SRGAP2B: variants seen among roughly 807,000 people sequenced by gnomAD.
SRGAP2B encodes the protein SLIT-ROBO Rho GTPase activating protein 2B.
SRGAP2B carries 9 observed loss-of-function variants against 22.2 expected under a neutral mutation model. The ratio of observed to expected loss-of-function variants is 0.41; its 90% CI spans 0.24 to 0.71. The LOEUF (loss-of-function observed/expected upper bound fraction) is 0.71, where lower values mean the gene tolerates loss of function less well. SRGAP2B is among the 30% of genes least tolerant of loss of function. The pLI is 0.35. For missense variants in SRGAP2B, 114 were observed against 235.8 expected (o/e 0.48, Z 3.38); for synonymous variants, 36 against 87.4 (o/e 0.41, Z 3.28).
In SRGAP2B at chr1:145,000,589, C is replaced by A. The variant is rs7547106; in HGVS notation, c.68-5389G>T. 6.6e-5 allele frequency among the ~76,000 whole-genome samples: 10 copies of A among 150,826 alleles called. No homozygotes were observed. In the South Asian group the frequency reaches 2.1e-3, roughly 32 times the overall value. On this transcript the variant is annotated intron_variant, in intron 2 of 9. Transcript: ENST00000612199. ...CTTCAGAGAACATCCAGGGAATTCA[C>A]CAGTCAGCAGAGTACAGGGGGTGAG...
chr1:144,940,958 G>T (rs1350752865), intron 4 of SRGAP2B, among the ~76,000 whole-genome samples: 1 of 149,214 alleles, frequency 6.7e-6, no homozygotes, highest in Non-Finnish European at 1.5e-5. Context: ...AATGTTAAAT[G>T]AAAAAAATTA....
At chr1:144,904,279 ATGAGTTAAC>A (rs1662825730) in intron 7 of SRGAP2B, among the ~76,000 whole-genome samples, 1 of 143,646 alleles carries the variant, frequency 7.0e-6, no homozygotes, top group African/African-American at 2.6e-5. Context: ...TGAGAGTCAA[ATGAGTTAAC>A]ACCGAGAAAC....
At chr1:144,970,340 C>CT (rs1198114175) in intron 3 of SRGAP2B, among the ~76,000 whole-genome samples, 3 of 98,036 alleles carry the variant, frequency 3.1e-5, no homozygotes, top group African/African-American at 1.3e-4. Context: ...AGTTCATGTC[C>CT]TTTGTAGGGA....
intron 3 of SRGAP2B, among the ~76,000 whole-genome samples, chr1:144,988,805 C>T (rs1669945674): frequency 6.8e-6 from 1 of 147,996 alleles, no homozygotes; most frequent in Admixed American, 6.7e-5. Context: ...AGTAGGATCA[C>T]CATTCAAAAC....
At chr1:145,062,381 AT>A (rs1286415183) in intron 2 of SRGAP2B, among the ~76,000 whole-genome samples, 1 of 144,804 alleles carries the variant, frequency 6.9e-6, no homozygotes, top group Non-Finnish European at 1.5e-5. Flanking sequence ...ACAGGTCTGG[AT>A]ACAACTCATT....
rs1274724017 is a variant in SRGAP2B at position 145,000,069 on chromosome 1, C to T, written c.68-4869G>A. Among the ~76,000 whole-genome samples the T allele has an allele frequency of 7.7e-3, 1,109 of 144,150 alleles. 17 individuals are homozygous for T. The highest frequency in any genetic ancestry group is 0.018 in the Middle Eastern group (5 of 276). 94.6% of individuals were successfully genotyped at this position (144,150 alleles called of 152,430 possible). A position where few individuals can be genotyped will look rare whatever the true frequency, so the allele number is the denominator to read the frequency against. On this transcript the variant is annotated intron_variant, in intron 2 of 9. Coordinates refer to ENST00000612199, the Ensembl canonical transcript of SRGAP2B. ...AACAAACAGGAGCCAAAAGGAGGAA[C>T]GGATTCTTGGTTTCCATTTCCCCGT...
At chr1:144,995,015 G>C in exon 3 of SRGAP2B, 1 of 1,530,510 alleles carries the variant, frequency 6.5e-7, no homozygotes, top group Non-Finnish European at 8.8e-7. Flanking sequence ...TACTTGAATT[G>C]CTGGTCCTTG....
At chr1:144,982,226 GC>G (rs1376139523) in intron 3 of SRGAP2B, among the ~76,000 whole-genome samples, 34 of 132,420 alleles carry the variant, frequency 2.6e-4, no homozygotes, top group Admixed American at 6.5e-4. Flanking sequence ...TTTACTATGT[GC>G]CAAGCTGTCC....
At chr1:144,975,312 G>A (rs1267757492) in intron 3 of SRGAP2B, among the ~76,000 whole-genome samples, 4 of 148,024 alleles carry the variant, frequency 2.7e-5, no homozygotes, top group African/African-American at 1.1e-4. Context: ...GGATGCTATG[G>A]TTTGAATCTG....
intron 2 of SRGAP2B, among the ~76,000 whole-genome samples, chr1:145,088,517 C>T (rs9803057): frequency 2.2e-5 from 3 of 138,892 alleles, no homozygotes; most frequent in Non-Finnish European, 3.1e-5. Flanking sequence ...GCTCAGCATA[C>T]AGTGCCACCC....
intron 2 of SRGAP2B, among the ~76,000 whole-genome samples, chr1:145,041,572 T>A (rs1649261764): frequency 8.2e-6 from 1 of 122,622 alleles, no homozygotes; most frequent in African/African-American, 3.6e-5. Context: ...GGCAAGAGGA[T>A]CACTTCAGCC....
At chr1:145,017,848 C>T (rs1672539120) in intron 2 of SRGAP2B, among the ~76,000 whole-genome samples, 2 of 150,716 alleles carry the variant, frequency 1.3e-5, no homozygotes, top group Non-Finnish European at 2.9e-5. Context: ...CTAAGGCTCA[C>T]AGTAAAGATT....
Position 144,971,291 on chromosome 1 carries a change from C to T in SRGAP2B, c.261-15690G>A, listed in dbSNP as rs587651839. Among the ~76,000 whole-genome samples, 186 of 148,952 alleles carry T rather than the reference C, an allele frequency of 1.2e-3. 7 individuals are homozygous for T. Among genetic ancestry groups the T allele is most frequent in the African/African-American group, 4.3e-3 (169 of 39,224 alleles). ...GATTACAGGCATGTGCCACCACGCT[C>T]GGCTAATTTTGTGTTTTTTAGTAGA... On this transcript the variant is annotated intron_variant, in intron 3 of 9. Coordinates refer to ENST00000612199, the Ensembl canonical transcript of SRGAP2B.
chr1:144,934,123 G>A (rs1189007353), intron 4 of SRGAP2B, among the ~76,000 whole-genome samples: 3 of 148,854 alleles, frequency 2.0e-5, no homozygotes, highest in Non-Finnish European at 4.5e-5. Flanking sequence ...AGCAACCCAG[G>A]GCCGGGTGCA....
intron 2 of SRGAP2B, among the ~76,000 whole-genome samples, chr1:145,021,111 A>G (rs1439463117): frequency 6.7e-6 from 1 of 149,564 alleles, no homozygotes; most frequent in African/African-American, 2.5e-5. Context: ...TCCCAGCCAG[A>G]GGGCCTTCTA....
intron 2 of SRGAP2B, among the ~76,000 whole-genome samples, chr1:145,020,787 C>G (rs1553623923): frequency 6.6e-6 from 1 of 150,464 alleles, no homozygotes; most frequent in East Asian, 1.9e-4. Flanking sequence ...AAAAAAGGGT[C>G]TTCTACTCTA....
intron 4 of SRGAP2B, among the ~76,000 whole-genome samples, chr1:144,925,789 A>AAGAAAGAG (rs1664687236): frequency 3.8e-5 from 4 of 104,208 alleles, no homozygotes; most frequent in Admixed American, 1.9e-4. Context: ...GAAAGAAAGA[A>AAGAAAGAG]AGAAAGGAGA....
intron 4 of SRGAP2B, among the ~76,000 whole-genome samples, chr1:144,932,492 A>G (rs1665273016): frequency 6.6e-6 from 1 of 150,670 alleles, no homozygotes; most frequent in Non-Finnish European, 1.5e-5. Context: ...GCAAGTTGAG[A>G]TGGGGTCAGG....
At chr1:144,972,610 G>A (rs1668607257) in intron 3 of SRGAP2B, among the ~76,000 whole-genome samples, 1 of 127,220 alleles carries the variant, frequency 7.9e-6, no homozygotes, top group Non-Finnish European at 1.6e-5. Context: ...ACAACTCGTG[G>A]ACTGATGCCC....
Sources: allele counts gnomAD v4.1 joint callset (sites outside exome capture counted in the v4.1 genomes callset), GRCh38; gene constraint gnomAD v4.1.1; transcripts MANE v1.5; gene names NCBI Gene and HGNC (gene_info 2026-07-23, HGNC 2026-07-21).